Variants in RASSF8 observed in about 807,000 individuals in gnomAD.
RASSF8 encodes the protein Ras association domain family member 8, also known as ras association domain-containing protein 8.
In RASSF8, 22 loss-of-function variants were observed where a neutral mutation model predicts 48.5. That is an observed-to-expected ratio of 0.45 (90% CI 0.32 to 0.65). The LOEUF is 0.65. Among genes scored for constraint, RASSF8 ranks in the 30% least tolerant of loss-of-function variants. RASSF8 has a pLI of 0.03. For missense variants in RASSF8, 418 were observed against 489.2 expected, an observed-to-expected ratio of 0.85 and a Z score of 1.37; for synonymous variants, 127 against 171.5, an observed-to-expected ratio of 0.74 and a Z score of 2.03.
At chr12:26,043,971 T>C (rs1408406166) in intron 2 of RASSF8, among the ~76,000 whole-genome samples, 1 of 152,194 alleles carries the variant, frequency 6.6e-6, no homozygotes, top group Non-Finnish European at 1.5e-5. Flanking sequence ...ATTAGACGAG[T>C]GTGTTCACTT....
intron 1 of RASSF8, among the ~76,000 whole-genome samples, chr12:25,976,519 C>G (rs1302764035): frequency 2.0e-5 from 3 of 152,182 alleles, no homozygotes; most frequent in Non-Finnish European, 4.4e-5. Context: ...TGCAACGAAT[C>G]AGACTGATTG....
intron 1 of RASSF8, among the ~76,000 whole-genome samples, chr12:25,966,071 T>TA (rs1941353033): frequency 6.6e-6 from 1 of 152,200 alleles, no homozygotes; most frequent in Non-Finnish European, 1.5e-5. Flanking sequence ...GGCTGGATCT[T>TA]ATGGTAGGTG....
chr12:25,999,632 G>A (rs1163946645), intron 2 of RASSF8, among the ~76,000 whole-genome samples: 1 of 152,136 alleles, frequency 6.6e-6, no homozygotes, highest in Non-Finnish European at 1.5e-5. Context: ...GGAGGCTGAG[G>A]TGGGAGGATT....
At chr12:26,003,113 T>C (rs1371158303) in intron 2 of RASSF8, among the ~76,000 whole-genome samples, 1 of 152,192 alleles carries the variant, frequency 6.6e-6, no homozygotes, top group Admixed American at 6.5e-5. Flanking sequence ...CCTTTCCTCA[T>C]GTATGGTATG....
At chr12:26,003,527 GA>G (rs1365914854) in intron 2 of RASSF8, among the ~76,000 whole-genome samples, 7 of 152,202 alleles carry the variant, frequency 4.6e-5, no homozygotes, top group Non-Finnish European at 7.4e-5. Context: ...CTTATCTATA[GA>G]TTTTTTTTAA....
intron 3 of RASSF8, among the ~76,000 whole-genome samples, chr12:26,061,040 C>CT (rs1298713416): frequency 1.3e-5 from 2 of 152,136 alleles, no homozygotes; most frequent in African/African-American, 4.8e-5. Context: ...TTAGTAGAAT[C>CT]TATTTCTCTA....
At chr12:25,965,971 T>C (rs1941350824) in intron 1 of RASSF8, among the ~76,000 whole-genome samples, 1 of 152,242 alleles carries the variant, frequency 6.6e-6, no homozygotes, top group African/African-American at 2.4e-5. Context: ...TTTTTGGCTA[T>C]TACAAATAAA....
At chr12:26,038,608 AACACACACACACACAC>A (rs57536643) in intron 2 of RASSF8, among the ~76,000 whole-genome samples, 8,498 of 144,948 alleles carry the variant, frequency 0.059, 303 homozygotes, top group East Asian at 0.13. Flanking sequence ...TTCTTATTAA[AACACACACACACACAC>A]ACACACACAC....
At chr12:25,963,165 G>T (rs1164710910) in intron 1 of RASSF8, among the ~76,000 whole-genome samples, 1 of 152,046 alleles carries the variant, frequency 6.6e-6, no homozygotes, top group Non-Finnish European at 1.5e-5. Flanking sequence ...AGGATGCTCA[G>T]TGCTGTCCAG....
At chr12:26,008,850 C>G (rs1942456267) in intron 2 of RASSF8, among the ~76,000 whole-genome samples, 1 of 151,986 alleles carries the variant, frequency 6.6e-6, no homozygotes, top group Non-Finnish European at 1.5e-5. Context: ...CTGATATGCT[C>G]CCTCTAGCCT....
chr12:25,987,357 G>C (rs1006281945), intron 1 of RASSF8, among the ~76,000 whole-genome samples: 6 of 152,032 alleles, frequency 3.9e-5, no homozygotes, highest in African/African-American at 1.5e-4. Flanking sequence ...TTTTTGACTA[G>C]CCTGGAGCCA....
intron 1 of RASSF8, among the ~76,000 whole-genome samples, chr12:25,972,309 G>A (rs1301311480): frequency 1.3e-5 from 2 of 152,064 alleles, no homozygotes; most frequent in Non-Finnish European, 2.9e-5. Flanking sequence ...TTGATTTGGG[G>A]AAGTTTATTA....
chr12:25,961,426 G>A (rs945166674), intron 1 of RASSF8, among the ~76,000 whole-genome samples: 3 of 152,096 alleles, frequency 2.0e-5, no homozygotes, highest in African/African-American at 4.8e-5. Context: ...ATAATATAAC[G>A]TTTATTTACT....
downstream of RASSF8, among the ~76,000 whole-genome samples, chr12:26,073,051 A>G (rs1944030473): frequency 6.6e-6 from 1 of 152,244 alleles, no homozygotes; most frequent in Non-Finnish European, 1.5e-5. Flanking sequence ...GAATTAAGAA[A>G]CTACTATGCC....
intron 1 of RASSF8, among the ~76,000 whole-genome samples, chr12:25,990,636 G>T (rs941188381): frequency 6.6e-6 from 1 of 151,958 alleles, no homozygotes; most frequent in Non-Finnish European, 1.5e-5. Flanking sequence ...TACTAACATT[G>T]TGTATTGCGT....
chr12:26,076,772 A>AT (rs1944076396), downstream of RASSF8, among the ~76,000 whole-genome samples: 2 of 152,230 alleles, frequency 1.3e-5, no homozygotes, highest in African/African-American at 2.4e-5. Flanking sequence ...TCCTTTGGGT[A>AT]TATACCCAGT....
downstream of RASSF8, among the ~76,000 whole-genome samples, chr12:26,073,790 CATTATGT>C (rs1380513604): frequency 5.7e-5 from 2 of 34,956 alleles, no homozygotes; most frequent in East Asian, 9.2e-4. Flanking sequence ...TATATATACA[CATTATGT>C]ATACACACAC....
intron 1 of RASSF8, among the ~76,000 whole-genome samples, chr12:25,960,582 G>A (rs1941207457): frequency 6.6e-6 from 1 of 152,186 alleles, no homozygotes; most frequent in Non-Finnish European, 1.5e-5. Flanking sequence ...AACATAGTTT[G>A]ATGATTATTC....
chr12:25,977,902 A>G (rs1167696112), intron 1 of RASSF8, among the ~76,000 whole-genome samples: 1 of 152,216 alleles, frequency 6.6e-6, no homozygotes, highest in Non-Finnish European at 1.5e-5. Context: ...TCATTGTACC[A>G]TCTTTCAAAA....
Sources: gnomAD v4.1 joint callset for allele counts (sites outside exome capture counted in the v4.1 genomes callset) on GRCh38, gnomAD v4.1.1 for gene constraint, MANE v1.5 for transcripts, NCBI Gene and HGNC (gene_info 2026-07-23, HGNC 2026-07-21) for gene names.